The following KDM4C variants were observed in gnomAD, a reference collection of about 807,000 sequenced individuals.
KDM4C encodes the protein lysine-specific demethylase 4C.
In KDM4C, 81 loss-of-function variants were observed where a neutral mutation model predicts 129.3. The observed-to-expected ratio is 0.63, with a 90% CI of 0.52 to 0.75. The LOEUF is 0.75. Among genes scored for constraint, KDM4C ranks in the 30% least tolerant of loss-of-function variants. KDM4C has a pLI of 0.00. For missense variants in KDM4C, 1,457 were observed against 1,304.0 expected, an observed-to-expected ratio of 1.12 and a Z score of -1.81; for synonymous variants, 573 against 456.1, an observed-to-expected ratio of 1.26 and a Z score of -3.26.
At position 6,721,016 on chromosome 9, in the gene KDM4C, A is replaced by G. The variant is rs186632062; in HGVS notation, c.49+19A>G. Reference sequence around the variant, plus strand: ...GCTGCAGGTGAGTGCTGCTCTGAACATAATCCAGGACACTTTGTACATAGT... The same window carrying G: ...GCTGCAGGTGAGTGCTGCTCTGAACGTAATCCAGGACACTTTGTACATAGT... On this transcript the variant is annotated intron_variant, in intron 1 of 17. Coordinates refer to the KDM4C transcript ENST00000536108. 17 of 1,548,368 alleles carry G rather than the reference A, an allele frequency of 1.1e-5. No homozygotes were observed. The East Asian group carries it at 3.4e-4, about 31-fold the overall frequency.
chr9:6,980,154 C>T (rs1247995479), intron 8 of KDM4C, among the ~76,000 whole-genome samples: 2 of 152,124 alleles, frequency 1.3e-5, no homozygotes, highest in African/African-American at 4.8e-5. Flanking sequence ...TTATGCACCA[C>T]CATTTGAATG....
At chr9:6,919,143 G>T (rs1169443203) in intron 8 of KDM4C, among the ~76,000 whole-genome samples, 1 of 151,956 alleles carries the variant, frequency 6.6e-6, no homozygotes, top group African/African-American at 2.4e-5. Flanking sequence ...GAGCCACCAC[G>T]CCCAGCCTAC....
chr9:6,969,656 A>G (rs1169992578), intron 8 of KDM4C, among the ~76,000 whole-genome samples: 2 of 152,232 alleles, frequency 1.3e-5, no homozygotes, highest in Non-Finnish European at 2.9e-5. Flanking sequence ...TCATATGTCA[A>G]ATACAAATTG....
intron 1 of KDM4C, among the ~76,000 whole-genome samples, chr9:6,743,260 C>A (rs2130269743): frequency 6.6e-6 from 1 of 152,254 alleles, no homozygotes; most frequent in South Asian, 2.1e-4. Flanking sequence ...GGGGGCTTTA[C>A]CCCTTCAACG....
chr9:6,838,389 C>A (rs1023600289), intron 4 of KDM4C, among the ~76,000 whole-genome samples: 2 of 152,110 alleles, frequency 1.3e-5, no homozygotes, highest in Non-Finnish European at 2.9e-5. Flanking sequence ...TGGAATAATT[C>A]TGGATCTAAA....
At chr9:7,166,901 A>G (rs1023667780) in intron 20 of KDM4C, among the ~76,000 whole-genome samples, 3 of 152,228 alleles carry the variant, frequency 2.0e-5, no homozygotes, top group African/African-American at 7.2e-5. Flanking sequence ...AAGCACAAGT[A>G]GTTTAAAATT....
intron 8 of KDM4C, among the ~76,000 whole-genome samples, chr9:6,924,266 A>G (rs895406448): frequency 3.9e-5 from 6 of 152,290 alleles, no homozygotes; most frequent in South Asian, 2.1e-4. Flanking sequence ...AATATACTGA[A>G]CAGTGTTTGT....
chr9:7,122,238 G>A (rs1006526546), intron 18 of KDM4C, among the ~76,000 whole-genome samples: 4 of 76,754 alleles, frequency 5.2e-5, no homozygotes, highest in Non-Finnish European at 1.0e-4. Flanking sequence ...AGTGGGAGAT[G>A]CCACACACAC....
chr9:7,033,659 C>G (rs1417165345), intron 15 of KDM4C, among the ~76,000 whole-genome samples: 1 of 152,206 alleles, frequency 6.6e-6, no homozygotes, highest in Non-Finnish European at 1.5e-5. Flanking sequence ...TAACACCCCC[C>G]ACCTCTGCTC....
intron 8 of KDM4C, among the ~76,000 whole-genome samples, chr9:6,959,924 GGTATAAAATACTGTA>G (rs57822990): frequency 0.67 from 101,541 of 151,474 alleles, 34,839 homozygotes; most frequent in East Asian, 1. Flanking sequence ...CAACAGCTGT[GGTATAAAATACTGTA>G]GGGGCCTCTG....
intron 1 of KDM4C, among the ~76,000 whole-genome samples, chr9:6,766,503 G>C (rs1268482537): frequency 2.0e-5 from 3 of 152,078 alleles, no homozygotes; most frequent in Non-Finnish European, 4.4e-5. Flanking sequence ...GGAGTTCATA[G>C]TCCTGCTTCC....
In KDM4C at chr9:6,904,655, A is replaced by G. The variant is rs115163645; in HGVS notation, c.921+11423A>G. ...ATTCCACTACAGTTAATACTGGAAG[A>G]GATTTATAATGCCTTTGCAGTTTCT... is the stretch of plus-strand genomic sequence containing the variant. On this transcript the variant is annotated intron_variant, in intron 8 of 21. Coordinates refer to ENST00000381309, the MANE Select transcript of KDM4C (RefSeq NM_015061.6). 9.3e-3 allele frequency among the ~76,000 whole-genome samples: 1,414 copies of G among 152,310 alleles called. 26 individuals carry two copies. The highest frequency in any genetic ancestry group is 0.032 in the African/African-American group (1,323 of 41,568).
At chr9:7,081,513 A>C (rs1483682200) in intron 17 of KDM4C, among the ~76,000 whole-genome samples, 1 of 152,202 alleles carries the variant, frequency 6.6e-6, no homozygotes, top group Non-Finnish European at 1.5e-5. Flanking sequence ...GAATGAGTGA[A>C]AATCATCTGA....
At chr9:7,024,006 A>C (rs956265556) in intron 15 of KDM4C, among the ~76,000 whole-genome samples, 1 of 152,120 alleles carries the variant, frequency 6.6e-6, no homozygotes, top group South Asian at 2.1e-4. Flanking sequence ...GCTTGATATT[A>C]TTGCACTTTT....
Position 6,758,410 on chromosome 9 carries a change from G to T in KDM4C, c.-18+207G>T, listed in dbSNP as rs1463811229. On this transcript the variant is annotated intron_variant, in intron 1 of 21. Coordinates refer to ENST00000381309, the MANE Select transcript of KDM4C (RefSeq NM_015061.6). The surrounding 1 kb of genome is among the most constrained non-coding windows in gnomAD (Gnocchi z 4.6). ...CGCGGCCGCAGGGGAGGGATGCGGG[G>T]GCCGGTGACAGCCCGCTCCGGCCCT... Among the ~76,000 whole-genome samples the T allele has an allele frequency of 6.6e-6, 1 of 152,202 alleles. No individual in the cohort carries two copies. The highest frequency in any genetic ancestry group is 1.5e-5 in the Non-Finnish European group (1 of 68,012).
intron 17 of KDM4C, among the ~76,000 whole-genome samples, chr9:7,080,118 C>G (rs1367190845): frequency 6.6e-6 from 1 of 152,152 alleles, no homozygotes; most frequent in East Asian, 1.9e-4. Flanking sequence ...TCCCTCAAAC[C>G]CATGGTGTCT....
At chr9:7,059,132 C>T (rs1831265244) in intron 17 of KDM4C, among the ~76,000 whole-genome samples, 1 of 152,162 alleles carries the variant, frequency 6.6e-6, no homozygotes, top group East Asian at 1.9e-4. Flanking sequence ...ATTGGTGTAA[C>T]TCAGTGACAG....
chr9:6,753,831 G>C (rs1818152916), upstream of KDM4C, among the ~76,000 whole-genome samples: 1 of 150,018 alleles, frequency 6.7e-6, no homozygotes, highest in Non-Finnish European at 1.5e-5. Flanking sequence ...TAAAGGTAAA[G>C]GTAAATAAAA....
chr9:6,856,174 A>G (rs1839778065), intron 5 of KDM4C, among the ~76,000 whole-genome samples: 1 of 150,940 alleles, frequency 6.6e-6, no homozygotes, highest in East Asian at 1.9e-4. Context: ...TGAAGATCAA[A>G]AAAAAAAAAA....
Sources: gnomAD v4.1 joint callset for allele counts (sites outside exome capture counted in the v4.1 genomes callset) on GRCh38, gnomAD v4.1.1 for gene constraint, Gnocchi (gnomAD v3.1) non-coding constraint, MANE v1.5 for transcripts, NCBI Gene and HGNC (gene_info 2026-07-23, HGNC 2026-07-21) for gene names.